BANP: variants seen among roughly 807,000 people sequenced by gnomAD.
BANP encodes protein BANP.
A neutral mutation model predicts 68.1 loss-of-function variants in BANP; 11 were observed. That is an observed-to-expected ratio of 0.16 (90% CI 0.10 to 0.27). The LOEUF (loss-of-function observed/expected upper bound fraction) is 0.27. Ranked by LOEUF, BANP falls within the 10% of genes least tolerant of loss-of-function variation. The pLI is 1.00. For synonymous variants in BANP, 329 were observed against 303.2 expected (o/e 1.09, Z -0.88); for missense variants, 504 against 722.7 (o/e 0.70, Z 3.47).
At chr16:88,006,413 G>A in intron 6 of BANP, 148 bp downstream of exon 6, 1 of 918,828 alleles carries the variant, frequency 1.1e-6, no homozygotes, top group Non-Finnish European at 1.6e-6. Context: ...TTGGGAGGCT[G>A]AGGCGGGCGG....
chr16:88,033,943 A>T (rs1372190800), intron 9 of BANP, among the ~76,000 whole-genome samples: 1 of 152,100 alleles, frequency 6.6e-6, no homozygotes, highest in Non-Finnish European at 1.5e-5. Flanking sequence ...GAGTGACTAG[A>T]AATTTTACAT....
rs752600948 is a variant in BANP at position 88,002,679 on chromosome 16, T to C, written c.363-1616T>C. Reference sequence around the variant, plus strand: ...TTATTCCAGTTGGGAGCTGGTTGTCTTAGAATATGATTTCCTTCACCTTAA... The same window carrying C: ...TTATTCCAGTTGGGAGCTGGTTGTCCTAGAATATGATTTCCTTCACCTTAA... On this transcript the variant is annotated intron_variant, in intron 4 of 13. Coordinates refer to ENST00000682872, the MANE Select transcript of BANP (RefSeq NM_001386991.1). This position sits in a 1 kb window ranked among gnomAD's most constrained non-coding sequence, Gnocchi z 4.6. 6.6e-6 allele frequency among the ~76,000 whole-genome samples: 1 copy of C among 152,260 alleles called. No individual in the cohort carries two copies. The highest frequency in any genetic ancestry group is 6.5e-5 in the Admixed American group (1 of 15,306).
At chr16:88,033,409 G>A (rs2078631835) in intron 9 of BANP, among the ~76,000 whole-genome samples, 164 bp downstream of exon 9, 1 of 152,204 alleles carries the variant, frequency 6.6e-6, no homozygotes, top group African/African-American at 2.4e-5. Context: ...GTGGCCATGA[G>A]CTCTTAACAT....
At chr16:88,068,748 C>G (rs137870078) in intron 12 of BANP, among the ~76,000 whole-genome samples, 4,570 of 152,266 alleles carry the variant, frequency 0.03, 87 homozygotes, top group Non-Finnish European at 0.045. Flanking sequence ...GCCCCCTTTC[C>G]AAGTGCAGCC....
At chr16:87,953,140 T>G (rs922591650) in intron 1 of BANP, among the ~76,000 whole-genome samples, 3 of 151,928 alleles carry the variant, frequency 2.0e-5, no homozygotes, top group African/African-American at 7.3e-5. Flanking sequence ...AGGGACTTGC[T>G]CAGATTTACA....
At chr16:88,023,042 C>T (rs1254912357) in intron 7 of BANP, among the ~76,000 whole-genome samples, 2 of 152,204 alleles carry the variant, frequency 1.3e-5, no homozygotes, top group African/African-American at 2.4e-5. Flanking sequence ...TCTCCAGGTT[C>T]TCTGTGAGGT....
chr16:88,061,079 C>G (rs2086637355), intron 11 of BANP, among the ~76,000 whole-genome samples: 1 of 152,308 alleles, frequency 6.6e-6, no homozygotes, highest in South Asian at 2.1e-4. Context: ...CTCCACTTCC[C>G]TTCCTTCGAG....
chr16:87,973,084 G>A (rs539576053), intron 1 of BANP, among the ~76,000 whole-genome samples: 33 of 152,084 alleles, frequency 2.2e-4, no homozygotes, highest in African/African-American at 7.7e-4. Flanking sequence ...TTCTGTTGTC[G>A]GTGTTGACTT....
chr16:88,062,192 G>C (rs990676316), intron 11 of BANP, among the ~76,000 whole-genome samples: 1 of 152,156 alleles, frequency 6.6e-6, no homozygotes, highest in Admixed American at 6.5e-5. Flanking sequence ...TAAAGGCATG[G>C]GGGGTGGGGT....
At chr16:87,959,016 C>G (rs2058622380) in intron 1 of BANP, among the ~76,000 whole-genome samples, 1 of 152,220 alleles carries the variant, frequency 6.6e-6, no homozygotes, top group African/African-American at 2.4e-5. Context: ...TTGGCACGTA[C>G]ACTGGGGACT....
chr16:88,034,135 G>C (rs753000056), intron 9 of BANP, among the ~76,000 whole-genome samples: 1 of 152,200 alleles, frequency 6.6e-6, no homozygotes, highest in African/African-American at 2.4e-5. Context: ...AAGAGGGAAG[G>C]CTTCCGGAAA....
chr16:88,035,585 C>G (rs2079143090), intron 10 of BANP, among the ~76,000 whole-genome samples, 191 bp downstream of exon 10: 1 of 152,246 alleles, frequency 6.6e-6, no homozygotes, highest in African/African-American at 2.4e-5. Flanking sequence ...GCCTCCCCCT[C>G]CTGTCCGTTG....
chr16:87,990,418 T>C (rs192827647), intron 4 of BANP, among the ~76,000 whole-genome samples: 119 of 152,302 alleles, frequency 7.8e-4, no homozygotes, highest in African/African-American at 2.8e-3. Flanking sequence ...CCGTGGATAA[T>C]TGAATATTTG....
At chr16:87,967,682 C>T (rs1033793994) in intron 1 of BANP, among the ~76,000 whole-genome samples, 18 of 144,298 alleles carry the variant, frequency 1.2e-4, no homozygotes, top group Admixed American at 2.2e-4. Context: ...AGTGCAGTGG[C>T]GCAGTCTTGG....
At chr16:87,974,210 G>T (rs573127218) in intron 1 of BANP, among the ~76,000 whole-genome samples, 50 of 152,310 alleles carry the variant, frequency 3.3e-4, no homozygotes, top group African/African-American at 1.2e-3. Flanking sequence ...ATCCTATTTT[G>T]CAGTACTATA....
intron 6 of BANP, among the ~76,000 whole-genome samples, chr16:88,017,987 G>C (rs1223787245): frequency 6.6e-6 from 1 of 152,170 alleles, no homozygotes; most frequent in African/African-American, 2.4e-5. Flanking sequence ...TCACCTCTGC[G>C]TCTTTCTTGG....
intron 11 of BANP, among the ~76,000 whole-genome samples, chr16:88,061,590 G>A (rs1299395308): frequency 6.6e-6 from 1 of 152,204 alleles, no homozygotes; most frequent in Non-Finnish European, 1.5e-5. Flanking sequence ...ATTTCTTGTA[G>A]GAACGTAGGA....
In BANP at chr16:88,068,705, G is replaced by A. The variant is rs181388172; in HGVS notation, c.1378-3364G>A. Reference sequence around the variant, plus strand: ...CCCAGGACAGAGTGACTGCCTGGGCGCGTGGTGGAACTGAGTGCAGAACTC... The same window carrying A: ...CCCAGGACAGAGTGACTGCCTGGGCACGTGGTGGAACTGAGTGCAGAACTC... On this transcript the variant is annotated intron_variant, in intron 12 of 13. Coordinates refer to ENST00000682872, the MANE Select transcript of BANP (RefSeq NM_001386991.1). 8.0e-3 allele frequency among the ~76,000 whole-genome samples: 1,211 copies of A among 152,164 alleles called. 13 individuals carry two copies. Among genetic ancestry groups the A allele is most frequent in the African/African-American group, 0.027 (1,129 of 41,508 alleles).
At chr16:88,001,190 G>A (rs1164482511) in intron 4 of BANP, among the ~76,000 whole-genome samples, 2 of 84,390 alleles carry the variant, frequency 2.4e-5, no homozygotes, top group African/African-American at 5.6e-5. Flanking sequence ...GCACGTGTGC[G>A]GCTGTACTTA....
Sources: allele counts gnomAD v4.1 joint callset (sites outside exome capture counted in the v4.1 genomes callset), GRCh38; gene constraint gnomAD v4.1.1; non-coding constraint Gnocchi (gnomAD v3.1); transcripts MANE v1.5; gene names NCBI Gene and HGNC (gene_info 2026-07-23, HGNC 2026-07-21).